Variants in METAP1D observed in about 807,000 individuals in gnomAD.
METAP1D encodes the protein methionyl aminopeptidase type 1D, mitochondrial.
METAP1D carries 31 observed loss-of-function variants against 40.5 expected under a neutral mutation model. The ratio of observed to expected loss-of-function variants is 0.77; its 90% CI spans 0.58 to 1.03. The LOEUF (loss-of-function observed/expected upper bound fraction) is 1.03. Among genes scored for constraint, METAP1D ranks in the 50% least tolerant of loss-of-function variants. The probability of loss-of-function intolerance (pLI) is 0.00; values close to 1 mark genes in which losing one functional copy is unlikely to be tolerated. For missense variants in METAP1D, 411 were observed against 420.7 expected, an observed-to-expected ratio of 0.98 and a Z score of 0.20; for synonymous variants, 151 against 146.4, an observed-to-expected ratio of 1.03 and a Z score of -0.22.
intron 1 of METAP1D, among the ~76,000 whole-genome samples, chr2:172,036,858 A>G (rs1689404380): frequency 6.6e-6 from 1 of 152,218 alleles, no homozygotes; most frequent in Non-Finnish European, 1.5e-5. Context: ...TTCAACCTGT[A>G]CTTGGCATTG....
In METAP1D at chr2:172,080,521, G is replaced by A; in HGVS notation, c.*115G>A. The A allele has an allele frequency of 9.3e-7, 1 of 1,078,400 alleles. No individual in the cohort carries two copies. Among genetic ancestry groups the A allele is most frequent in the Non-Finnish European group, 1.4e-6 (1 of 722,374 alleles). The allele number at this position is 1,078,400 out of a possible 1,614,324, so 66.8% of individuals were successfully genotyped here. A position where few individuals can be genotyped will look rare whatever the true frequency, so the allele number is the denominator to read the frequency against. Reference sequence around the variant, plus strand: ...GACCGGTGGTGCGGTAACCTGCGTGGCTCCTGATAGCGTTTGGAAGAACGC... The same window carrying A: ...GACCGGTGGTGCGGTAACCTGCGTGACTCCTGATAGCGTTTGGAAGAACGC... On this transcript the variant is annotated 3_prime_UTR_variant, in exon 10 of 10. Coordinates refer to ENST00000315796, the MANE Select transcript of METAP1D (RefSeq NM_199227.3).
intron 1 of METAP1D, among the ~76,000 whole-genome samples, chr2:172,011,125 A>G (rs916823591): frequency 1.3e-5 from 2 of 151,876 alleles, no homozygotes; most frequent in Non-Finnish European, 2.9e-5. Flanking sequence ...TTTAAGGTGT[A>G]TAATTCAGTG....
chr2:172,079,152 TC>T, intron 7 of METAP1D, 62 bp from the exon 8 acceptor site: 2 of 1,546,832 alleles, frequency 1.3e-6, no homozygotes, highest in Non-Finnish European at 1.8e-6. Context: ...ACCCCTGTAA[TC>T]TGTTTTTTTT....
intron 1 of METAP1D, among the ~76,000 whole-genome samples, chr2:172,056,766 G>A (rs1027784958): frequency 6.6e-6 from 1 of 152,184 alleles, no homozygotes; most frequent in Non-Finnish European, 1.5e-5. Flanking sequence ...TCAGCTCGTG[G>A]TAGGGAGAGC....
chr2:172,080,280 C>G (rs761497989), intron 9 of METAP1D, 48 bp from the exon 10 acceptor site: 4 of 1,613,926 alleles, frequency 2.5e-6, no homozygotes, highest in Non-Finnish European at 3.4e-6. Context: ...GCTTGTGGCC[C>G]GGCCGGAGCT....
intron 7 of METAP1D, among the ~76,000 whole-genome samples, chr2:172,078,975 G>T (rs1690623492): frequency 6.6e-6 from 1 of 152,124 alleles, no homozygotes; most frequent in Non-Finnish European, 1.5e-5. Flanking sequence ...GCCAGGCCTT[G>T]GAAAACTCTT....
chr2:172,057,198 C>T (rs919000456), intron 1 of METAP1D, among the ~76,000 whole-genome samples: 1 of 152,124 alleles, frequency 6.6e-6, no homozygotes, highest in Non-Finnish European at 1.5e-5. Flanking sequence ...AGCTACCTGC[C>T]TAATGACAGA....
intron 6 of METAP1D, among the ~76,000 whole-genome samples, chr2:172,074,876 A>G (rs1255794846): frequency 1.3e-5 from 2 of 152,180 alleles, no homozygotes; most frequent in East Asian, 1.9e-4. Context: ...CAATAAATCT[A>G]TTTTCATGTG....
At chr2:172,014,268 T>G (rs1400801969) in intron 1 of METAP1D, among the ~76,000 whole-genome samples, 4 of 151,954 alleles carry the variant, frequency 2.6e-5, no homozygotes, top group African/African-American at 9.7e-5. Context: ...CCTGCCACCA[T>G]GCCTGGCTAA....
At chr2:172,021,270 T>A (rs1689000864) in intron 1 of METAP1D, among the ~76,000 whole-genome samples, 1 of 152,208 alleles carries the variant, frequency 6.6e-6, no homozygotes, top group African/African-American at 2.4e-5. Context: ...AGCTGGAGAT[T>A]TGAGCTTAAC....
At chr2:172,042,788 T>TGTGTGTGTGTATATGTACACATATAC (rs1421455508) in intron 1 of METAP1D, among the ~76,000 whole-genome samples, 392 of 26,756 alleles carry the variant, frequency 0.015, 161 homozygotes, top group African/African-American at 0.06. Context: ...CACATATACG[T>TGTGTGTGTGTATATGTACACATATAC]GTGTGTGTGT....
intron 1 of METAP1D, among the ~76,000 whole-genome samples, chr2:172,042,407 G>T (rs1484973733): frequency 2.6e-5 from 1 of 39,196 alleles, no homozygotes; most frequent in Non-Finnish European, 4.8e-5. Flanking sequence ...ATATACATAT[G>T]TATGTGTACA....
chr2:172,018,239 G>A (rs751261197), intron 1 of METAP1D, among the ~76,000 whole-genome samples: 2 of 151,720 alleles, frequency 1.3e-5, no homozygotes, highest in Non-Finnish European at 2.9e-5. Flanking sequence ...CATTTCAGAA[G>A]TCCAAAGTTC....
At chr2:172,022,809 G>A (rs965836525) in intron 1 of METAP1D, among the ~76,000 whole-genome samples, 1 of 152,102 alleles carries the variant, frequency 6.6e-6, no homozygotes, top group African/African-American at 2.4e-5. Context: ...AATTGTTTTT[G>A]TCTCTTTTTA....
intron 1 of METAP1D, among the ~76,000 whole-genome samples, chr2:172,037,569 AAC>A (rs1254335836): frequency 6.6e-6 from 1 of 152,210 alleles, no homozygotes; most frequent in African/African-American, 2.4e-5. Context: ...TAATCTTTAC[AAC>A]AGTTTTTTAT....
At chr2:172,042,506 TAC>T (rs768822746) in intron 1 of METAP1D, among the ~76,000 whole-genome samples, 1 of 41,192 alleles carries the variant, frequency 2.4e-5, no homozygotes, top group Non-Finnish European at 4.4e-5. Flanking sequence ...TATACATATA[TAC>T]ATATGTATGT....
chr2:172,036,303 C>G (rs1414191630), intron 1 of METAP1D, among the ~76,000 whole-genome samples: 1 of 134,672 alleles, frequency 7.4e-6, no homozygotes, highest in Admixed American at 7.7e-5. Flanking sequence ...GGCGACAGAG[C>G]GAGACTCTGT....
At chr2:172,066,010 A>C (rs1196387606) in intron 4 of METAP1D, among the ~76,000 whole-genome samples, 1 of 152,218 alleles carries the variant, frequency 6.6e-6, no homozygotes, top group Non-Finnish European at 1.5e-5. Context: ...GATTTTAATC[A>C]TATAAGTGGT....
chr2:172,015,213 C>T (rs1213491608), intron 1 of METAP1D, among the ~76,000 whole-genome samples: 1 of 152,066 alleles, frequency 6.6e-6, no homozygotes, highest in Non-Finnish European at 1.5e-5. Context: ...GAATTTGAGA[C>T]CAGCCTGGCC....
Sources: gnomAD v4.1 joint callset for allele counts (sites outside exome capture counted in the v4.1 genomes callset) on GRCh38, gnomAD v4.1.1 for gene constraint, MANE v1.5 for transcripts, NCBI Gene and HGNC (gene_info 2026-07-23, HGNC 2026-07-21) for gene names.